Variants in RNF220 observed in about 807,000 individuals in gnomAD.
RNF220 encodes E3 ubiquitin-protein ligase RNF220.
A neutral mutation model predicts 67.1 loss-of-function variants in RNF220; 7 were observed. The observed-to-expected ratio is 0.10, with a 90% CI of 0.06 to 0.20. RNF220 has a LOEUF of 0.20. RNF220 is among the 10% of genes least tolerant of loss of function. RNF220 has a pLI of 1.00. For missense variants in RNF220, 565 were observed against 740.3 expected, an observed-to-expected ratio of 0.76 and a Z score of 2.75; for synonymous variants, 270 against 283.2, an observed-to-expected ratio of 0.95 and a Z score of 0.47.
In RNF220 at chr1:44,650,556, G is replaced by A; in HGVS notation, c.1630-148G>A. On this transcript the variant is annotated intron_variant, in intron 14 of 14. Transcript: ENST00000361799. This position sits in a 1 kb window ranked among gnomAD's most constrained non-coding sequence, Gnocchi z 4.3. ...ACAGGAGCGTGCCTGCCTGCTCACAGAAGCTGCCTATGCGTCCCCAGCCTG... is the reference window on the plus strand; with the variant it reads ...ACAGGAGCGTGCCTGCCTGCTCACAAAAGCTGCCTATGCGTCCCCAGCCTG... 5.2e-6 allele frequency: 4 copies of A among 776,652 alleles called. No individual in the cohort carries two copies. The South Asian group carries it at 6.4e-5, about 13-fold the overall frequency. 48.1% of individuals were successfully genotyped at this position (776,652 alleles called of 1,614,324 possible). A position where few individuals can be genotyped will look rare whatever the true frequency, so the allele number is the denominator to read the frequency against.
rs983523759 is a variant in RNF220, at chr1:44,450,211, A to G, written c.625+37489A>G. ...GGCAACAAGAGCGAAACTCCGTGTC[A>G]AAAAAAAAAAGTCTGAAAGTGATTT... On this transcript the variant is annotated intron_variant, in intron 2 of 14. Transcript: ENST00000361799. Among the ~76,000 whole-genome samples the G allele has an allele frequency of 3.1e-4, 46 of 147,266 alleles. 1 individual carries two copies. Among genetic ancestry groups the G allele is most frequent in the Admixed American group, 1.4e-3 (21 of 14,736 alleles).
chr1:44,558,533 C>T (rs542888524), intron 2 of RNF220, among the ~76,000 whole-genome samples: 2 of 152,306 alleles, frequency 1.3e-5, no homozygotes, highest in South Asian at 4.1e-4. Context: ...TTAAACATGT[C>T]CTATATGCCA....
chr1:44,560,836 C>T (rs771809718), intron 2 of RNF220, among the ~76,000 whole-genome samples: 3 of 152,186 alleles, frequency 2.0e-5, no homozygotes, highest in Non-Finnish European at 4.4e-5. Flanking sequence ...GCTGGGATTA[C>T]AGATGTGAGC....
Position 44,632,400 on chromosome 1 carries a change from G to GCCCCTCCCTCCGCCCCA in RNF220, c.949+20_949+36dup. 1.9e-6 allele frequency: 3 copies of GCCCCTCCCTCCGCCCCA among 1,607,452 alleles called. No homozygotes were observed. The highest frequency in any genetic ancestry group is 2.5e-6 in the Non-Finnish European group (3 of 1,177,492). On this transcript the variant is annotated intron_variant, in intron 6 of 14. Coordinates refer to ENST00000361799, the MANE Select transcript of RNF220 (RefSeq NM_018150.4). ...CCGACTGAATGGTGAGTCCTGCCCG[G>GCCCCTCCCTCCGCCCCA]CCCCTCCCTCCGCCCCACCCCCGGC...
intron 8 of RNF220, chr1:44,643,795 G>A (rs1167135682): frequency 6.6e-6 from 1 of 152,474 alleles, no homozygotes; most frequent in African/African-American, 2.4e-5. Flanking sequence ...AGGAGGAAGT[G>A]GGGAGCTGGG....
chr1:44,619,654 T>C (rs1014581199), intron 3 of RNF220, among the ~76,000 whole-genome samples: 3 of 152,096 alleles, frequency 2.0e-5, no homozygotes, highest in Non-Finnish European at 2.9e-5. Context: ...CATGGATCAC[T>C]AGGCAGCGAG....
At chr1:44,446,187 C>G (rs1213181918) in intron 2 of RNF220, among the ~76,000 whole-genome samples, 1 of 152,282 alleles carries the variant, frequency 6.6e-6, no homozygotes, top group Admixed American at 6.5e-5. Flanking sequence ...ACATCCATCT[C>G]ATGAAGATGA....
chr1:44,547,977 A>C (rs1182585874), intron 2 of RNF220, among the ~76,000 whole-genome samples: 1 of 152,090 alleles, frequency 6.6e-6, no homozygotes, highest in African/African-American at 2.4e-5. Context: ...GCACCCGCAC[A>C]CATCAACTCG....
intron 8 of RNF220, among the ~76,000 whole-genome samples, chr1:44,640,857 G>T (rs929720684): frequency 3.3e-5 from 5 of 152,214 alleles, no homozygotes; most frequent in African/African-American, 1.2e-4. Flanking sequence ...GTGTTGGAGA[G>T]CACAGGCCCC....
chr1:44,413,217 C>G (rs1648161304), intron 2 of RNF220, among the ~76,000 whole-genome samples: 1 of 152,150 alleles, frequency 6.6e-6, no homozygotes, highest in Admixed American at 6.5e-5. Context: ...TTGTCCACAT[C>G]AGGCTATTTT....
At chr1:44,532,842 G>A (rs917855507) in intron 2 of RNF220, among the ~76,000 whole-genome samples, 1 of 152,180 alleles carries the variant, frequency 6.6e-6, no homozygotes, top group Non-Finnish European at 1.5e-5. Context: ...AAAGCAGAAG[G>A]GTATACTGAG....
At position 44,463,797 on chromosome 1, in the gene RNF220, T is replaced by G. The variant is rs138823125; in HGVS notation, c.625+51075T>G. On this transcript the variant is annotated intron_variant, in intron 2 of 14. Coordinates refer to ENST00000361799, the MANE Select transcript of RNF220 (RefSeq NM_018150.4). ...AACCAGGAGCTGAGAGCCACTCCCT[T>G]CTAATTCACTCATGGAGTTTGAGCT... Among the ~76,000 whole-genome samples the G allele has an allele frequency of 2.6e-3, 389 of 152,344 alleles. 2 individuals carry two copies. Among genetic ancestry groups the G allele is most frequent in the African/African-American group, 9.0e-3 (373 of 41,566 alleles).
intron 2 of RNF220, among the ~76,000 whole-genome samples, chr1:44,562,814 T>G (rs1390686282): frequency 2.6e-5 from 4 of 152,220 alleles, no homozygotes; most frequent in Non-Finnish European, 2.9e-5. Flanking sequence ...AGGCCTCACT[T>G]CTTTCTTCCC....
At chr1:44,644,817 GC>G in intron 9 of RNF220, 23 bp downstream of exon 9, 2 of 1,589,430 alleles carry the variant, frequency 1.3e-6, no homozygotes, top group South Asian at 1.1e-5. Flanking sequence ...CACTATGGGG[GC>G]TGGTGGGGCT....
intron 2 of RNF220, among the ~76,000 whole-genome samples, chr1:44,502,203 C>T (rs560062603): frequency 2.4e-4 from 37 of 151,994 alleles, no homozygotes; most frequent in Admixed American, 1.8e-3. Context: ...CACACACACA[C>T]ATACACTTTA....
intron 2 of RNF220, among the ~76,000 whole-genome samples, chr1:44,458,530 T>C (rs1653431823): frequency 6.6e-6 from 1 of 152,276 alleles, no homozygotes; most frequent in East Asian, 1.9e-4. Flanking sequence ...AAAGCCTTAA[T>C]ATACTGCCTG....
chr1:44,411,206 C>T (rs1045668624), intron 1 of RNF220, among the ~76,000 whole-genome samples: 1 of 152,136 alleles, frequency 6.6e-6, no homozygotes, highest in African/African-American at 2.4e-5. Flanking sequence ...GCCAAAGGCA[C>T]CCATTATGGT....
At chr1:44,515,617 A>C (rs1232324471) in intron 2 of RNF220, among the ~76,000 whole-genome samples, 1 of 152,170 alleles carries the variant, frequency 6.6e-6, no homozygotes, top group Non-Finnish European at 1.5e-5. Context: ...AATTTGAGTC[A>C]CTTCCCTTTT....
chr1:44,503,916 C>T (rs985596696), intron 2 of RNF220, among the ~76,000 whole-genome samples: 1 of 152,014 alleles, frequency 6.6e-6, no homozygotes, highest in Non-Finnish European at 1.5e-5. Context: ...GTGGCACAGT[C>T]TCGGCTCACT....
Sources: allele counts gnomAD v4.1 joint callset (sites outside exome capture counted in the v4.1 genomes callset), GRCh38; gene constraint gnomAD v4.1.1; non-coding constraint Gnocchi (gnomAD v3.1); transcripts MANE v1.5; gene names NCBI Gene and HGNC (gene_info 2026-07-23, HGNC 2026-07-21).